Variants in VSTM4 observed in about 807,000 individuals in gnomAD.
The protein encoded by VSTM4 is V-set and transmembrane domain containing 4, also known as V-set and transmembrane domain-containing protein 4.
VSTM4 carries 20 observed loss-of-function variants against 36.4 expected under a neutral mutation model. The ratio of observed to expected loss-of-function variants is 0.55; its 90% CI spans 0.39 to 0.80. The LOEUF (loss-of-function observed/expected upper bound fraction) is 0.80, where lower values mean the gene tolerates loss of function less well. VSTM4 is among the 30% of genes least tolerant of loss of function. The probability of loss-of-function intolerance (pLI) is 0.00; values close to 1 mark genes in which losing one functional copy is unlikely to be tolerated. For missense variants in VSTM4, 392 were observed against 404.5 expected (o/e 0.97, Z 0.26); for synonymous variants, 182 against 173.9 (o/e 1.05, Z -0.37).
At chr10:49,045,125 A>G (rs1418161987) in intron 7 of VSTM4, among the ~76,000 whole-genome samples, 1 of 152,200 alleles carries the variant, frequency 6.6e-6, no homozygotes, top group East Asian at 1.9e-4. Context: ...GAATTGGCAT[A>G]TAAATCCTCC....
chr10:49,028,864 C>T (rs1390394344), intron 7 of VSTM4, among the ~76,000 whole-genome samples: 3 of 152,198 alleles, frequency 2.0e-5, no homozygotes, highest in South Asian at 2.1e-4. Flanking sequence ...TTTATGTTAA[C>T]GTCATCTTAG....
At chr10:49,115,383 C>T in intron 1 of VSTM4, 48 bp downstream of exon 1, 1 of 999,336 alleles carries the variant, frequency 1.0e-6, no homozygotes, top group Non-Finnish European at 1.2e-6. Flanking sequence ...CCGGCGCGGC[C>T]GCCCGGCCCC....
intron 5 of VSTM4, among the ~76,000 whole-genome samples, chr10:49,058,677 T>C (rs1289070967): frequency 6.6e-6 from 1 of 152,220 alleles, no homozygotes; most frequent in Non-Finnish European, 1.5e-5. Flanking sequence ...TTTGAACTTT[T>C]CTTAGCAAGT....
intron 5 of VSTM4, among the ~76,000 whole-genome samples, chr10:49,059,583 A>G (rs1367653159): frequency 6.6e-6 from 1 of 152,184 alleles, no homozygotes; most frequent in Non-Finnish European, 1.5e-5. Flanking sequence ...CATCACAGAA[A>G]GCAAATCCTG....
At chr10:49,115,166 G>T (rs1844970330) in intron 1 of VSTM4, among the ~76,000 whole-genome samples, 1 of 152,120 alleles carries the variant, frequency 6.6e-6, no homozygotes, top group African/African-American at 2.4e-5. Context: ...GAAGATCTCG[G>T]CTGCTGCGAG....
chr10:49,088,070 T>C (rs1204950550), intron 2 of VSTM4, among the ~76,000 whole-genome samples: 1 of 151,130 alleles, frequency 6.6e-6, no homozygotes, highest in Non-Finnish European at 1.5e-5. Flanking sequence ...AATGTAGATA[T>C]GTGAATCAGA....
At chr10:49,025,871 A>G (rs1235825664) in intron 7 of VSTM4, among the ~76,000 whole-genome samples, 2 of 152,166 alleles carry the variant, frequency 1.3e-5, no homozygotes, top group East Asian at 1.9e-4. Flanking sequence ...TCTGCCCCCA[A>G]ACCCTGTGTT....
intron 6 of VSTM4, among the ~76,000 whole-genome samples, chr10:49,047,250 A>G (rs996139886): frequency 2.0e-5 from 3 of 152,112 alleles, no homozygotes; most frequent in Non-Finnish European, 2.9e-5. Context: ...CTCCCTCAGC[A>G]AGGTCAACAA....
intron 5 of VSTM4, among the ~76,000 whole-genome samples, chr10:49,049,089 G>A (rs1428987871): frequency 6.6e-6 from 1 of 152,192 alleles, no homozygotes; most frequent in African/African-American, 2.4e-5. Context: ...GGGTTCTGGG[G>A]AGCTGCACCT....
intron 5 of VSTM4, among the ~76,000 whole-genome samples, chr10:49,057,006 G>C (rs1024701360): frequency 1.3e-5 from 2 of 151,920 alleles, no homozygotes; most frequent in Non-Finnish European, 2.9e-5. Flanking sequence ...CGGCGAGAGG[G>C]GGGCAAGAGA....
chr10:49,075,178 TG>T (rs1325214240), intron 4 of VSTM4, among the ~76,000 whole-genome samples: 11 of 152,234 alleles, frequency 7.2e-5, no homozygotes, highest in African/African-American at 2.4e-4. Flanking sequence ...CTGTGAGGCC[TG>T]GAGGAGGATG....
intron 6 of VSTM4, among the ~76,000 whole-genome samples, chr10:49,047,792 C>T (rs1843636529): frequency 1.3e-5 from 2 of 152,206 alleles, no homozygotes; most frequent in Non-Finnish European, 2.9e-5. Flanking sequence ...CTAGGGGAAG[C>T]ATGCAAAGCC....
At position 49,115,452 on chromosome 10, in the gene VSTM4, G is replaced by C. The variant is rs1844979131; in HGVS notation, c.34C>G (p.Leu12Val). The C allele has an allele frequency of 1.9e-6, 2 of 1,041,874 alleles. No individual in the cohort carries two copies. Among genetic ancestry groups the C allele is most frequent in the Non-Finnish European group, 1.2e-6 (1 of 861,450 alleles). The allele number at this position is 1,041,874 out of a possible 1,614,324, so 64.5% of individuals were successfully genotyped here. A position where few individuals can be genotyped will look rare whatever the true frequency, so the allele number is the denominator to read the frequency against. ...TTACCCGGAGCCGGAGCCCGCGCCA[G>C]CAGCGCGGCCGCCGCCAGTGCCAGC... The part of the protein sequence containing the change: ...RLLALAAAAL[L>V]ARAPAPEVCA... Residue 12 changes from leucine (L) to valine (V), a missense_variant, in exon 1 of 8, where the codon CTG (leucine) becomes GTG (valine). Coordinates refer to ENST00000332853, the MANE Select transcript of VSTM4 (RefSeq NM_001031746.5).
chr10:49,070,786 G>C (rs373915684), intron 4 of VSTM4, among the ~76,000 whole-genome samples: 119 of 152,336 alleles, frequency 7.8e-4, no homozygotes, highest in African/African-American at 2.5e-3. Context: ...CCTGACCAGA[G>C]AGCCAGCTGA....
chr10:49,105,971 GT>G (rs1844775302), intron 2 of VSTM4, among the ~76,000 whole-genome samples: 1 of 152,114 alleles, frequency 6.6e-6, no homozygotes, highest in African/African-American at 2.4e-5. Context: ...ATGATCTGAT[GT>G]CTTGTTTTCT....
intron 4 of VSTM4, among the ~76,000 whole-genome samples, chr10:49,075,766 C>A (rs1436448353): frequency 2.6e-5 from 4 of 152,228 alleles, no homozygotes; most frequent in Non-Finnish European, 5.9e-5. Flanking sequence ...CCCTCTGGAT[C>A]CCCGTCCACC....
intron 7 of VSTM4, among the ~76,000 whole-genome samples, chr10:49,046,100 A>C (rs1363178257): frequency 6.6e-6 from 1 of 152,178 alleles, no homozygotes; most frequent in Non-Finnish European, 1.5e-5. Context: ...CATGACTGTA[A>C]GTTTCCTGAG....
At chr10:49,114,902 G>T (rs2132035213) in intron 1 of VSTM4, among the ~76,000 whole-genome samples, 1 of 152,226 alleles carries the variant, frequency 6.6e-6, no homozygotes, top group South Asian at 2.1e-4. Flanking sequence ...ATCCAGCCGT[G>T]GATGCCCCTC....
chr10:49,082,236 A>G (rs939026004), intron 3 of VSTM4, among the ~76,000 whole-genome samples: 2 of 152,326 alleles, frequency 1.3e-5, no homozygotes, highest in South Asian at 2.1e-4. Context: ...CTCTCTATAA[A>G]ATGTTGGCTC....
Sources: allele counts gnomAD v4.1 joint callset (sites outside exome capture counted in the v4.1 genomes callset), GRCh38; gene constraint gnomAD v4.1.1; transcripts MANE v1.5; gene names NCBI Gene and HGNC (gene_info 2026-07-23, HGNC 2026-07-21).